PELI2: variants seen among roughly 807,000 people sequenced by gnomAD.
PELI2 encodes pellino E3 ubiquitin protein ligase family member 2.
PELI2 carries 23 observed loss-of-function variants against 42.3 expected under a neutral mutation model. That is an observed-to-expected ratio of 0.54 (90% confidence interval 0.39 to 0.77). The LOEUF (loss-of-function observed/expected upper bound fraction) is 0.77, where lower values mean the gene tolerates loss of function less well. Among genes scored for constraint, PELI2 ranks in the 30% least tolerant of loss-of-function variants. PELI2 has a pLI of 0.00. For synonymous variants in PELI2, 245 were observed against 212.2 expected, an observed-to-expected ratio of 1.15 and a Z score of -1.34; for missense variants, 463 against 553.2, an observed-to-expected ratio of 0.84 and a Z score of 1.64.
chr14:56,144,463 C>T (rs1884035865), intron 1 of PELI2, among the ~76,000 whole-genome samples: 1 of 152,102 alleles, frequency 6.6e-6, no homozygotes, highest in African/African-American at 2.4e-5. Context: ...CAGTTAGGTC[C>T]CCACAGGCTA....
chr14:56,149,671 C>T (rs965811604), intron 1 of PELI2, among the ~76,000 whole-genome samples: 19 of 151,836 alleles, frequency 1.3e-4, no homozygotes, highest in Admixed American at 2.6e-4. Context: ...TAATTTTTAC[C>T]TGACCTTCAG....
chr14:56,233,700 G>A (rs1328310186), intron 2 of PELI2, among the ~76,000 whole-genome samples: 3 of 152,138 alleles, frequency 2.0e-5, no homozygotes, highest in Non-Finnish European at 4.4e-5. Context: ...CATGGACAAG[G>A]ACTTCATGAC....
At chr14:56,135,822 A>G (rs536483946) in intron 1 of PELI2, among the ~76,000 whole-genome samples, 8 of 152,330 alleles carry the variant, frequency 5.3e-5, no homozygotes, top group African/African-American at 1.2e-4. Context: ...GTTAACTGGA[A>G]TGCTTCAGAA....
chr14:56,291,037 G>A (rs1156712483), intron 5 of PELI2, among the ~76,000 whole-genome samples: 1 of 152,096 alleles, frequency 6.6e-6, no homozygotes, highest in Non-Finnish European at 1.5e-5. Context: ...TTATCCCCAT[G>A]CCCTAAAGCA....
chr14:56,247,628 T>C (rs8014574), intron 2 of PELI2, among the ~76,000 whole-genome samples: 51,163 of 152,126 alleles, frequency 0.34, 11,154 homozygotes, highest in African/African-American at 0.63. Flanking sequence ...CAACCTACTT[T>C]CGTTAACATC....
intron 2 of PELI2, among the ~76,000 whole-genome samples, chr14:56,262,807 A>G (rs1888756730): frequency 1.5e-5 from 1 of 65,606 alleles, no homozygotes; most frequent in South Asian, 4.1e-4. Context: ...GTGTTATATA[A>G]TATCCCTGAC....
At chr14:56,210,589 T>G (rs1293314248) in intron 2 of PELI2, among the ~76,000 whole-genome samples, 1 of 152,202 alleles carries the variant, frequency 6.6e-6, no homozygotes, top group African/African-American at 2.4e-5. Context: ...TAGTTCATAT[T>G]TAAGTTTTCC....
At position 56,265,296 on chromosome 14, in the gene PELI2, C is replaced by T. The variant is rs1053508159; in HGVS notation, c.208-14380C>T. Among the ~76,000 whole-genome samples, 7 of 152,054 alleles carry T rather than the reference C, an allele frequency of 4.6e-5. No individual in the cohort carries two copies. In the East Asian group the frequency reaches 1.3e-3, roughly 29 times the overall value. Reference sequence around the variant, plus strand: ...TTGGTGTAAAGATAGATAAATAGATCATCACAGTGGAGCCCAGAAATAGAC... The same window carrying T: ...TTGGTGTAAAGATAGATAAATAGATTATCACAGTGGAGCCCAGAAATAGAC... On this transcript the variant is annotated intron_variant, in intron 2 of 5. Transcript: ENST00000267460.
At chr14:56,276,791 C>G (rs1166472166) in intron 2 of PELI2, among the ~76,000 whole-genome samples, 1 of 152,102 alleles carries the variant, frequency 6.6e-6, no homozygotes, top group African/African-American at 2.4e-5. Flanking sequence ...AAAAGCATTC[C>G]CCTTTCCTAA....
At chr14:56,274,399 A>G (rs1235518958) in intron 2 of PELI2, among the ~76,000 whole-genome samples, 1 of 152,232 alleles carries the variant, frequency 6.6e-6, no homozygotes, top group Non-Finnish European at 1.5e-5. Context: ...GAGAGCTAAC[A>G]CTGCTTCTTA....
chr14:56,210,504 G>C (rs11626962), intron 2 of PELI2, among the ~76,000 whole-genome samples: 61,776 of 151,812 alleles, frequency 0.41, 13,193 homozygotes, highest in South Asian at 0.53. Context: ...TCCTAGAGAC[G>C]AATAGGGAGG....
intron 2 of PELI2, among the ~76,000 whole-genome samples, chr14:56,196,322 G>A (rs1594628888): frequency 1.3e-5 from 2 of 152,104 alleles, no homozygotes; most frequent in African/African-American, 4.8e-5. Flanking sequence ...ATTTATTTCT[G>A]GAGAAGGCCC....
At chr14:56,238,654 G>C (rs1038689067) in intron 2 of PELI2, among the ~76,000 whole-genome samples, 1 of 152,112 alleles carries the variant, frequency 6.6e-6, no homozygotes, top group East Asian at 1.9e-4. Flanking sequence ...TTGTAATAAG[G>C]TTTGTTCTAA....
chr14:56,206,180 ATCT>A (rs765313696), intron 2 of PELI2, among the ~76,000 whole-genome samples: 1 of 152,226 alleles, frequency 6.6e-6, no homozygotes, highest in Admixed American at 6.5e-5. Flanking sequence ...GAGCTTTCTC[ATCT>A]TCTGATTACA....
chr14:56,152,633 G>C (rs1207745460), intron 1 of PELI2, among the ~76,000 whole-genome samples: 1 of 151,948 alleles, frequency 6.6e-6, no homozygotes, highest in African/African-American at 2.4e-5. Context: ...GTCTGAGGAA[G>C]GTTTATTATC....
rs180863911 is a variant in PELI2, at chr14:56,165,017, G to C, written c.78-13318G>C. Reference sequence around the variant, plus strand: ...TTTTGTTGTATTGATCTTTTGTATTGTTTCTTTCCTTTCAATTTCTGCTCT... The same window carrying C: ...TTTTGTTGTATTGATCTTTTGTATTCTTTCTTTCCTTTCAATTTCTGCTCT... On this transcript the variant is annotated intron_variant, in intron 1 of 5. Coordinates refer to ENST00000267460, the MANE Select transcript of PELI2 (RefSeq NM_021255.3). Among the ~76,000 whole-genome samples, 6 of 146,270 alleles carry C rather than the reference G, an allele frequency of 4.1e-5. No individual in the cohort carries two copies. In the East Asian group the frequency reaches 1.2e-3, roughly 30 times the overall value.
rs1835304913 is a variant in PELI2 at position 56,276,243 on chromosome 14, C to G, written c.208-3433C>G. 2.0e-5 allele frequency among the ~76,000 whole-genome samples: 3 copies of G among 152,162 alleles called. No individual in the cohort carries two copies. The South Asian group carries it at 6.2e-4, about 32-fold the overall frequency. On this transcript the variant is annotated intron_variant, in intron 2 of 5. Coordinates refer to ENST00000267460, the MANE Select transcript of PELI2 (RefSeq NM_021255.3). ...TTCCCCTAACCACCTAAATCTGACTCTATTTTAGACTTTAATACATGGAAA... is the reference window on the plus strand; with the variant it reads ...TTCCCCTAACCACCTAAATCTGACTGTATTTTAGACTTTAATACATGGAAA...
Position 56,144,920 on chromosome 14 carries a change from T to A in PELI2, c.77+26183T>A. 3 of 953,964 alleles carry A rather than the reference T, an allele frequency of 3.1e-6. No individual in the cohort carries two copies. In the South Asian group the frequency reaches 1.5e-4, roughly 46 times the overall value. The allele number at this position is 953,964 out of a possible 1,614,324, so 59.1% of individuals were successfully genotyped here. A position where few individuals can be genotyped will look rare whatever the true frequency, so the allele number is the denominator to read the frequency against. ...CCTACTATTTCTTTATTACTGACTT[T>A]ACTCTTTGCCGGTGTTTCCATTACA... is the stretch of plus-strand genomic sequence containing the variant. On this transcript the variant is annotated intron_variant, in intron 1 of 5. Coordinates refer to ENST00000267460, the MANE Select transcript of PELI2 (RefSeq NM_021255.3).
chr14:56,232,874 C>G (rs981782414), intron 2 of PELI2, among the ~76,000 whole-genome samples: 4 of 151,910 alleles, frequency 2.6e-5, no homozygotes, highest in African/African-American at 4.8e-5. Context: ...CATCTCAGCC[C>G]AAAATCTCCT....
Sources: gnomAD v4.1 joint callset for allele counts (sites outside exome capture counted in the v4.1 genomes callset) on GRCh38, gnomAD v4.1.1 for gene constraint, MANE v1.5 for transcripts, NCBI Gene and HGNC (gene_info 2026-07-23, HGNC 2026-07-21) for gene names.